The following NCOR2 variants were observed in gnomAD, a reference collection of about 807,000 sequenced individuals.
NCOR2 encodes CTG repeat protein 26.
NCOR2 carries 81 observed loss-of-function variants against 262.9 expected under a neutral mutation model. The observed-to-expected ratio is 0.31, with a 90% CI of 0.26 to 0.37. The LOEUF is 0.37. Ranked by LOEUF, NCOR2 falls within the 10% of genes least tolerant of loss-of-function variation. The pLI is 1.00. For missense variants in NCOR2, 3,385 were observed against 3,621.4 expected (o/e 0.93, Z 1.68); for synonymous variants, 1,659 against 1,559.3 (o/e 1.06, Z -1.51).
chr12:124,487,180 AG>A (rs2047808220), intron 1 of NCOR2, among the ~76,000 whole-genome samples: 1 of 152,236 alleles, frequency 6.6e-6, no homozygotes, highest in Admixed American at 6.5e-5. Context: ...AGCTCTTGGC[AG>A]GGTGGGTAAG....
At chr12:124,467,019 AC>A (rs1284225585) in intron 4 of NCOR2, among the ~76,000 whole-genome samples, 1 of 62,724 alleles carries the variant, frequency 1.6e-5, no homozygotes, top group Non-Finnish European at 3.0e-5. Context: ...CATCCTCACT[AC>A]CCCCATCATC....
chr12:124,408,098 T>G (rs975732727), intron 13 of NCOR2, among the ~76,000 whole-genome samples: 2 of 152,318 alleles, frequency 1.3e-5, no homozygotes, highest in Non-Finnish European at 2.9e-5. Flanking sequence ...CTCACGCCTG[T>G]AATCCCAGCA....
intron 24 of NCOR2, 101 bp downstream of exon 26, chr12:124,355,331 C>A: frequency 7.0e-7 from 1 of 1,423,808 alleles, no homozygotes; most frequent in Non-Finnish European, 9.5e-7. Flanking sequence ...ATGACCCAGG[C>A]CCCCGAGAGC....
In NCOR2 at chr12:124,372,983, C is replaced by T. The variant is rs1259591116; in HGVS notation, c.2219-373G>A. Among the ~76,000 whole-genome samples the T allele has an allele frequency of 2.0e-5, 3 of 152,350 alleles. No homozygotes were observed. The South Asian group carries it at 6.2e-4, about 32-fold the overall frequency. On this transcript the variant is annotated intron_variant, in intron 19 of 46. Transcript: ENST00000405201. ...TCCATGTTCTCATCTGAGCTCTAAC[C>T]CCGGCTCTGCCCCGCACTGGCTGCG...
intron 1 of NCOR2, chr12:124,513,959 G>C (rs2049565390): frequency 2.0e-5 from 3 of 152,270 alleles, no homozygotes. Context: ...GGAGGGGACA[G>C]GCTGAGGCCC....
chr12:124,340,714 C>T, exon 35 of NCOR2: 1 of 1,543,906 alleles, frequency 6.5e-7, no homozygotes, highest in Non-Finnish European at 8.7e-7. Flanking sequence ...GGGGCACGAG[C>T]ACAGGCAGGT....
At chr12:124,527,175 G>A (rs975733534) in intron 1 of NCOR2, among the ~76,000 whole-genome samples, 2 of 152,176 alleles carry the variant, frequency 1.3e-5, no homozygotes, top group Admixed American at 1.3e-4. Flanking sequence ...TGAACAGGCC[G>A]TGCTGAAGGG....
At position 124,344,966 on chromosome 12, in the gene NCOR2, A is replaced by T. The variant is rs759167087; in HGVS notation, c.4360-15T>A. On this transcript the variant is annotated splice_polypyrimidine_tract_variant and intron_variant, in intron 31 of 46. Transcript: ENST00000405201. ...AGCGGGGTGCCCTGGGGCAGAGGGG[A>T]TGTAAGCTCTAGCCCTGGCCACAGC... The T allele has an allele frequency of 2.2e-5, 34 of 1,521,002 alleles. No homozygotes were observed. In the Middle Eastern group the frequency reaches 6.8e-4, roughly 31 times the overall value. 94.2% of individuals were successfully genotyped at this position (1,521,002 alleles called of 1,614,324 possible). A position where few individuals can be genotyped will look rare whatever the true frequency, so the allele number is the denominator to read the frequency against.
chr12:124,428,469 C>T (rs2043721880), intron 10 of NCOR2, among the ~76,000 whole-genome samples: 1 of 152,218 alleles, frequency 6.6e-6, no homozygotes, highest in South Asian at 2.1e-4. Flanking sequence ...GATTCCTGGG[C>T]TCTGCCCCAG....
At chr12:124,564,483 AAC>A (rs971530229) in intron 1 of NCOR2, among the ~76,000 whole-genome samples, 57 of 152,062 alleles carry the variant, frequency 3.7e-4, no homozygotes, top group Non-Finnish European at 1.2e-4. Context: ...GGGAAGGGAA[AAC>A]ACACACACAC....
chr12:124,332,544 C>T (rs1284816349), intron 42 of NCOR2, 77 bp from the exon 45 acceptor site: 2 of 1,588,520 alleles, frequency 1.3e-6, no homozygotes, highest in Non-Finnish European at 1.7e-6. Context: ...AACTCACCAC[C>T]TGAGATGCCT....
At chr12:124,494,935 T>A (rs2048302727) in intron 1 of NCOR2, among the ~76,000 whole-genome samples, 1 of 152,112 alleles carries the variant, frequency 6.6e-6, no homozygotes, top group Non-Finnish European at 1.5e-5. Flanking sequence ...GCCTCCATCT[T>A]CCCAGCTTTA....
At chr12:124,345,875 C>T in intron 31 of NCOR2, among the ~76,000 whole-genome samples, 1 of 152,244 alleles carries the variant, frequency 6.6e-6, no homozygotes, top group Admixed American at 6.5e-5. Flanking sequence ...TCTCCTTCCC[C>T]TTCACAAGAG....
chr12:124,405,236 C>T (rs1313625617), intron 13 of NCOR2, among the ~76,000 whole-genome samples: 1 of 152,230 alleles, frequency 6.6e-6, no homozygotes, highest in Non-Finnish European at 1.5e-5. Flanking sequence ...CTCCGTCCCA[C>T]ATGGTCTCCC....
chr12:124,392,386 A>T (rs895134194), intron 16 of NCOR2, among the ~76,000 whole-genome samples: 27 of 152,144 alleles, frequency 1.8e-4, no homozygotes, highest in Non-Finnish European at 1.8e-4. Context: ...CCAGCCCCAG[A>T]CATGCACCCT....
rs1469863533 is a variant in NCOR2 at position 124,483,103 on chromosome 12, G to A, written c.411+493C>T. ...GCCGGGGTTCAAGGCCCAGGGGGCT[G>A]CCTGCTGTGCAGGGCTCGAGGCAGG... On this transcript the variant is annotated intron_variant, in intron 3 of 46. Transcript: ENST00000405201. The surrounding 1 kb of genome is among the most constrained non-coding windows in gnomAD (Gnocchi z 6.3). Among the ~76,000 whole-genome samples, 2 of 152,092 alleles carry A rather than the reference G, an allele frequency of 1.3e-5. No homozygotes were observed. Among genetic ancestry groups the A allele is most frequent in the African/African-American group, 4.8e-5 (2 of 41,402 alleles).
upstream of NCOR2, among the ~76,000 whole-genome samples, chr12:124,498,391 G>T (rs2048489145): frequency 6.6e-6 from 1 of 152,122 alleles, no homozygotes; most frequent in Non-Finnish European, 1.5e-5. Flanking sequence ...CCGGAGCATG[G>T]GGCTGGAACC....
chr12:124,441,528 G>A (rs948157921), intron 7 of NCOR2, among the ~76,000 whole-genome samples: 3 of 152,216 alleles, frequency 2.0e-5, no homozygotes, highest in Non-Finnish European at 2.9e-5. Flanking sequence ...TCATTAGAAC[G>A]CAGTAATAAC....
At chr12:124,353,136 C>T (rs1022351873) in intron 27 of NCOR2, among the ~76,000 whole-genome samples, 3 of 152,158 alleles carry the variant, frequency 2.0e-5, no homozygotes, top group Non-Finnish European at 2.9e-5. Context: ...CGAGGAAGGG[C>T]GCGGGTCATG....
Sources: allele counts gnomAD v4.1 joint callset (sites outside exome capture counted in the v4.1 genomes callset), GRCh38; gene constraint gnomAD v4.1.1; non-coding constraint Gnocchi (gnomAD v3.1); transcripts MANE v1.5; gene names NCBI Gene and HGNC (gene_info 2026-07-23, HGNC 2026-07-21).